CD300LG: variants seen among roughly 807,000 people sequenced by gnomAD.
CD300LG encodes the protein CD300 molecule like family member g.
Under a neutral mutation model 31.5 loss-of-function variants are expected in CD300LG, and 29 were observed. The observed-to-expected ratio is 0.92, with a 90% CI of 0.68 to 1.25. CD300LG has a LOEUF of 1.25. Among genes scored for constraint, CD300LG ranks in the 50% most tolerant of loss-of-function variants. The pLI, the probability that CD300LG is intolerant of heterozygous loss-of-function variation, is 0.00. For missense variants in CD300LG, 396 were observed against 417.6 expected, an observed-to-expected ratio of 0.95 and a Z score of 0.45; for synonymous variants, 175 against 177.2, an observed-to-expected ratio of 0.99 and a Z score of 0.10.
At position 43,848,628 on chromosome 17, in the gene CD300LG, C is replaced by T; in HGVS notation, c.114C>T (p.Thr38=). 2 of 1,614,154 alleles carry T rather than the reference C, an allele frequency of 1.2e-6. No individual in the cohort carries two copies. The highest frequency in any genetic ancestry group is 1.7e-6 in the Non-Finnish European group (2 of 1,180,030). ...GGGACACTGTGTCCCTGCAGTGCAC[C>T]TACAGGGAAGAGCTGAGGGACCACC... is the stretch of plus-strand genomic sequence containing the variant. The part of the protein sequence containing the change: ...FEGDTVSLQC[T]YREELRDHRK... The change falls in exon 2 of 7, where the codon ACC becomes ACT. Residue 38 remains threonine, a synonymous_variant. Coordinates refer to ENST00000317310, the MANE Select transcript of CD300LG (RefSeq NM_145273.4).
rs553748712 is a variant in CD300LG, at chr17:43,851,751, T to C, written c.380-1161T>C. 4.1e-5 allele frequency among the ~76,000 whole-genome samples: 6 copies of C among 147,572 alleles called. No individual in the cohort carries two copies. The East Asian group carries it at 1.2e-3, about 30-fold the overall frequency. On this transcript the variant is annotated intron_variant, in intron 2 of 6. Coordinates refer to ENST00000317310, the MANE Select transcript of CD300LG (RefSeq NM_145273.4). ...TTTTGTATTTTTAGTAGAGACAGGG[T>C]TTCACGTGTTAGCCAGGATGGTCTC...
In CD300LG at chr17:43,850,089, G is replaced by A. The variant is rs188095993; in HGVS notation, c.379+1196G>A. Among the ~76,000 whole-genome samples, 26 of 152,152 alleles carry A rather than the reference G, an allele frequency of 1.7e-4. No individual in the cohort carries two copies. The East Asian group carries it at 3.7e-3, about 21-fold the overall frequency. On this transcript the variant is annotated intron_variant, in intron 2 of 6. Coordinates refer to ENST00000317310, the MANE Select transcript of CD300LG (RefSeq NM_145273.4). The stretch of plus-strand genomic sequence containing the variant: ...ATGACATGTGTATTGCTATATTATC[G>A]TCCTATATCGGACTCTATTGGCCTC...
chr17:43,850,945 G>A (rs1248544096), intron 2 of CD300LG, among the ~76,000 whole-genome samples: 2 of 151,934 alleles, frequency 1.3e-5, no homozygotes, highest in African/African-American at 4.8e-5. Context: ...GACCAGCCTG[G>A]CCAAAATGGT....
chr17:43,857,004 C>T (rs946251872), intron 5 of CD300LG, 100 bp from the exon 6 acceptor site: 44 of 1,199,226 alleles, frequency 3.7e-5, no homozygotes, highest in Non-Finnish European at 4.7e-5. Context: ...AGCCCCTGCT[C>T]CCGTGTGCAA....
At chr17:43,851,053 C>G (rs1598391055) in intron 2 of CD300LG, among the ~76,000 whole-genome samples, 1 of 144,930 alleles carries the variant, frequency 6.9e-6, no homozygotes, top group African/African-American at 2.6e-5. Flanking sequence ...AGAATTGCTT[C>G]AACCCGGGAG....
chr17:43,855,413 T>A, intron 5 of CD300LG, 94 bp downstream of exon 5: 4 of 688,778 alleles, frequency 5.8e-6, no homozygotes, highest in Non-Finnish European at 9.1e-6. Flanking sequence ...GGAAAGACCC[T>A]GTGGGTCTCA....
At chr17:43,851,640 A>ATTTTTT (rs60784804) in intron 2 of CD300LG, among the ~76,000 whole-genome samples, 1 of 111,866 alleles carries the variant, frequency 8.9e-6, no homozygotes, top group Non-Finnish European at 1.8e-5. Context: ...GAGGACAGGA[A>ATTTTTT]TTTTTTTTTT....
chr17:43,859,506 C>T (rs1212206541), intron 6 of CD300LG, among the ~76,000 whole-genome samples: 1 of 152,196 alleles, frequency 6.6e-6, no homozygotes, highest in African/African-American at 2.4e-5. Flanking sequence ...CCTAGGTGTG[C>T]CGTTTGGCCT....
At chr17:43,852,433 C>T (rs1199751844) in intron 2 of CD300LG, among the ~76,000 whole-genome samples, 8 of 152,116 alleles carry the variant, frequency 5.3e-5, no homozygotes, top group Admixed American at 3.9e-4. Flanking sequence ...AGGCTGGTCT[C>T]GAACTCCTGA....
At chr17:43,859,138 C>A (rs1016934168) in intron 6 of CD300LG, among the ~76,000 whole-genome samples, 1 of 152,168 alleles carries the variant, frequency 6.6e-6, no homozygotes, top group African/African-American at 2.4e-5. Context: ...GCGTCCTCCA[C>A]CCCGCTGCAC....
At chr17:43,859,142 G>A (rs974527259) in intron 6 of CD300LG, among the ~76,000 whole-genome samples, 12 of 152,190 alleles carry the variant, frequency 7.9e-5, no homozygotes, top group African/African-American at 1.9e-4. Flanking sequence ...CCTCCACCCC[G>A]CTGCACTGAA....
rs772486596 is a variant in CD300LG at position 43,853,828 on chromosome 17, CA to C, written c.504del (p.Ala169ProfsTer88). 6.2e-7 allele frequency: 1 copy of C among 1,613,874 alleles called. No individual in the cohort carries two copies. The highest frequency in any genetic ancestry group is 8.5e-7 in the Non-Finnish European group (1 of 1,179,868). ...GTAGCTTCTCCTGGGCTCTACCCGG[CA>C]GCCACCACAGCCAAGCAGGGGAAGA... ...PGLTSPGLYPAATTAKQGKTG... is the reference protein window; with the variant it reads ...PGLTSPGLYPXATTAKQGKTG... On this transcript the variant is annotated frameshift_variant, in exon 4 of 7. Transcript: ENST00000317310. LOFTEE classifies it high-confidence loss of function.
Position 43,854,002 on chromosome 17 carries a change from A to G in CD300LG, c.677A>G (p.Glu226Gly). 5 of 1,614,216 alleles carry G rather than the reference A, an allele frequency of 3.1e-6. No homozygotes were observed. The highest frequency in any genetic ancestry group is 3.4e-6 in the Non-Finnish European group (4 of 1,180,014). ...PPMQLDSTSA[E>G]DTSPALSSGS... ...ATGCAGCTGGACTCCACCTCAGCAG[A>G]GGACACCAGTCCAGCTCTCAGCAGT... The change falls in exon 4 of 7, where the codon GAG (glutamate) becomes GGG (glycine). Residue 226 changes from glutamate to glycine, a missense_variant. Coordinates refer to ENST00000317310, the MANE Select transcript of CD300LG (RefSeq NM_145273.4).
intron 6 of CD300LG, among the ~76,000 whole-genome samples, chr17:43,860,390 G>A (rs1464337737): frequency 1.3e-5 from 2 of 152,232 alleles, no homozygotes; most frequent in African/African-American, 2.4e-5. Flanking sequence ...TCTTTCTCTG[G>A]CATCAGTGCC....
At chr17:43,847,379 G>GGT in intron 1 of CD300LG, 120 bp downstream of exon 1, 1 of 1,121,078 alleles carries the variant, frequency 8.9e-7, no homozygotes, top group East Asian at 2.8e-5. Flanking sequence ...TCAGCCCTAG[G>GGT]GGAGCGGGGC....
intron 4 of CD300LG, 66 bp from the exon 5 acceptor site, chr17:43,855,141 C>A: frequency 9.4e-7 from 1 of 1,061,314 alleles, no homozygotes; most frequent in Non-Finnish European, 1.3e-6. Flanking sequence ...TGCCTGGGAC[C>A]CCCAAAGGAC....
rs1435233722 is a variant in CD300LG at position 43,861,898 on chromosome 17, T to C, written c.986T>C (p.Phe329Ser). ...TSEEELGFSK[F>S]VSA ...GAGGAGGAGCTGGGCTTCTCGAAGT[T>C]TGTCTCAGCGTAGGGCAGGAGGCCC... The change falls in exon 7 of 7, where the codon TTT becomes TCT. Residue 329 changes from phenylalanine to serine, a missense_variant. Physicochemically the swap from Phe to Ser is radical, Grantham distance 155 (BLOSUM62 -2). Transcript: ENST00000317310. 10 of 1,609,926 alleles carry C rather than the reference T, an allele frequency of 6.2e-6. No individual in the cohort carries two copies. Among genetic ancestry groups the C allele is most frequent in the Non-Finnish European group, 8.5e-6 (10 of 1,178,514 alleles).
chr17:43,848,955 T>A, intron 2 of CD300LG, 62 bp downstream of exon 2: 2 of 1,359,082 alleles, frequency 1.5e-6, no homozygotes, highest in African/African-American at 1.5e-5. Context: ...GAGGGAGGGG[T>A]GGTGGGGCAT....
chr17:43,858,385 C>T (rs1021789006), intron 6 of CD300LG: 2 of 985,344 alleles, frequency 2.0e-6, no homozygotes, highest in African/African-American at 3.5e-5. Context: ...CACCTAGCTC[C>T]AGAAGAGGGG....
Sources: allele counts gnomAD v4.1 joint callset (sites outside exome capture counted in the v4.1 genomes callset), GRCh38; gene constraint gnomAD v4.1.1; transcripts MANE v1.5; gene names NCBI Gene and HGNC (gene_info 2026-07-23, HGNC 2026-07-21).